Variants in NRXN1 observed in about 807,000 individuals in gnomAD.
NRXN1 encodes the protein neurexin-1.
NRXN1 carries 39 observed loss-of-function variants against 150.9 expected under a neutral mutation model. That is an observed-to-expected ratio of 0.26 (90% confidence interval 0.20 to 0.34). NRXN1 has a LOEUF of 0.34. Among genes scored for constraint, NRXN1 ranks in the 10% least tolerant of loss-of-function variants. The pLI is 1.00. For synonymous variants in NRXN1, 924 were observed against 757.0 expected, an observed-to-expected ratio of 1.22 and a Z score of -3.62; for missense variants, 1,815 against 1,949.9, an observed-to-expected ratio of 0.93 and a Z score of 1.30.
At chr2:50,278,242 A>ATATATATGTATTATACATAT (rs1553368219) in intron 17 of NRXN1, among the ~76,000 whole-genome samples, 6 of 118,298 alleles carry the variant, frequency 5.1e-5, no homozygotes, top group Non-Finnish European at 9.8e-5. Flanking sequence ...TATATATATA[A>ATATATATGTATTATACATAT]TATATATATA....
At chr2:49,987,418 ATTAT>A (rs1466977160) in intron 21 of NRXN1, among the ~76,000 whole-genome samples, 1 of 152,078 alleles carries the variant, frequency 6.6e-6, no homozygotes, top group African/African-American at 2.4e-5. Flanking sequence ...TAGAGCATAT[ATTAT>A]TTATTATTTT....
chr2:50,318,611 G>A (rs1177540880), intron 17 of NRXN1, among the ~76,000 whole-genome samples: 1 of 151,924 alleles, frequency 6.6e-6, no homozygotes, highest in East Asian at 1.9e-4. Flanking sequence ...TGGTAAGAAT[G>A]ATTAAATTAA....
intron 5 of NRXN1, among the ~76,000 whole-genome samples, chr2:50,900,015 G>T (rs1267309151): frequency 6.6e-6 from 1 of 152,056 alleles, no homozygotes; most frequent in Non-Finnish European, 1.5e-5. Context: ...TATACCAAAA[G>T]GGATTTTTTT....
chr2:49,973,999 ATGTC>A, intron 21 of NRXN1: 1 of 717,380 alleles, frequency 1.4e-6, no homozygotes, highest in Non-Finnish European at 2.6e-6. Context: ...TCTCATATCC[ATGTC>A]TGTCTGGCTA....
intron 19 of NRXN1, among the ~76,000 whole-genome samples, chr2:50,068,694 T>C (rs1695742538): frequency 1.3e-5 from 2 of 152,224 alleles, no homozygotes; most frequent in Non-Finnish European, 2.9e-5. Context: ...CCTTATATTG[T>C]AGTCATGTCA....
At chr2:50,580,632 G>A (rs956772387) in intron 8 of NRXN1, among the ~76,000 whole-genome samples, 2 of 152,198 alleles carry the variant, frequency 1.3e-5, no homozygotes, top group Non-Finnish European at 2.9e-5. Flanking sequence ...AAGGTTGGAA[G>A]AAAGTAGAGG....
chr2:50,760,084 T>C (rs932019819), intron 5 of NRXN1, among the ~76,000 whole-genome samples: 4 of 151,892 alleles, frequency 2.6e-5, no homozygotes, highest in African/African-American at 9.7e-5. Context: ...GTTCATTTTT[T>C]AAAATCTCGC....
chr2:50,019,873 G>A (rs1233274249), intron 21 of NRXN1, among the ~76,000 whole-genome samples: 1 of 147,314 alleles, frequency 6.8e-6, no homozygotes, highest in South Asian at 2.2e-4. Context: ...GCGAGAACCC[G>A]GGAGGCGGAG....
intron 8 of NRXN1, chr2:50,619,620 A>G (rs1034269281): frequency 5.9e-5 from 19 of 321,306 alleles, no homozygotes; most frequent in Non-Finnish European, 8.9e-5. Context: ...CCTATAGGCT[A>G]ATTGCTTTTT....
chr2:50,210,152 T>C (rs2062911465), intron 18 of NRXN1, among the ~76,000 whole-genome samples: 2 of 152,002 alleles, frequency 1.3e-5, no homozygotes, highest in South Asian at 4.1e-4. Context: ...AATTCGTGCA[T>C]AAACTTTTGC....
At chr2:50,975,134 C>G (rs1186253332) in intron 2 of NRXN1, among the ~76,000 whole-genome samples, 1 of 152,054 alleles carries the variant, frequency 6.6e-6, no homozygotes, top group Non-Finnish European at 1.5e-5. Context: ...CTAGTGTTTT[C>G]CAGAAGCTAC....
At chr2:50,670,922 C>T (rs1484219238) in intron 5 of NRXN1, among the ~76,000 whole-genome samples, 1 of 151,766 alleles carries the variant, frequency 6.6e-6, no homozygotes, top group Non-Finnish European at 1.5e-5. Context: ...TAGTTGGTGT[C>T]CGCTGTGTTA....
At chr2:50,468,646 G>C (rs2104674209) in intron 16 of NRXN1, among the ~76,000 whole-genome samples, 1 of 151,484 alleles carries the variant, frequency 6.6e-6, no homozygotes, top group South Asian at 2.1e-4. Flanking sequence ...AGAAACAAAA[G>C]AAATGATACA....
At chr2:50,878,121 G>A (rs1250027166) in intron 5 of NRXN1, among the ~76,000 whole-genome samples, 1 of 151,836 alleles carries the variant, frequency 6.6e-6, no homozygotes, top group Admixed American at 6.6e-5. Context: ...AGAAATCTGG[G>A]CAAAACAGTT....
At chr2:50,747,930 T>C (rs943491864) in intron 5 of NRXN1, among the ~76,000 whole-genome samples, 6 of 152,108 alleles carry the variant, frequency 3.9e-5, no homozygotes, top group South Asian at 2.1e-4. Context: ...CTGTTTTCCA[T>C]ATCATCAACA....
At chr2:50,691,331 T>C (rs1692038737) in intron 5 of NRXN1, among the ~76,000 whole-genome samples, 1 of 152,182 alleles carries the variant, frequency 6.6e-6, no homozygotes, top group Non-Finnish European at 1.5e-5. Flanking sequence ...TGGAAATGTA[T>C]GATCTCAGAA....
chr2:49,921,812 T>G lies in NRXN1; in HGVS notation c.*132A>C. 1.1e-6 allele frequency: 1 copy of G among 925,526 alleles called. No homozygotes were observed. The highest frequency in any genetic ancestry group is 1.6e-6 in the Non-Finnish European group (1 of 628,098). The allele number at this position is 925,526 out of a possible 1,614,324, so 57.3% of individuals were successfully genotyped here. ...ATACTTGTTTTTATTTTTTAAAAAG[T>G]CTTTCCTTCCTGATTGCATTCCCTG... On this transcript the variant is annotated 3_prime_UTR_variant, in exon 23 of 23. Coordinates refer to ENST00000401669, the MANE Select transcript of NRXN1 (RefSeq NM_001330078.2).
chr2:50,063,182 T>A (rs1694816265), intron 19 of NRXN1, among the ~76,000 whole-genome samples: 1 of 152,184 alleles, frequency 6.6e-6, no homozygotes, highest in Admixed American at 6.5e-5. Flanking sequence ...ATTGTTGTCA[T>A]ATAGACCCTG....
chr2:50,060,846 T>G (rs182414937), intron 19 of NRXN1, among the ~76,000 whole-genome samples: 1 of 152,314 alleles, frequency 6.6e-6, no homozygotes, highest in Non-Finnish European at 1.5e-5. Context: ...CATATGTAAC[T>G]GTGAATGCAT....
Sources: gnomAD v4.1 joint callset for allele counts (sites outside exome capture counted in the v4.1 genomes callset) on GRCh38, gnomAD v4.1.1 for gene constraint, MANE v1.5 for transcripts, NCBI Gene and HGNC (gene_info 2026-07-23, HGNC 2026-07-21) for gene names.